Variants in RXYLT1 observed in about 807,000 individuals in gnomAD.
RXYLT1 encodes ribitol-5-phosphate xylosyltransferase 1.
In RXYLT1, 41 loss-of-function variants were observed where a neutral mutation model predicts 43.5. The observed-to-expected ratio is 0.94, with a 90% CI of 0.73 to 1.22. The LOEUF is 1.22. RXYLT1 is among the 50% of genes most tolerant of loss of function. The pLI is 0.00. For missense variants in RXYLT1, 514 were observed against 532.0 expected, an observed-to-expected ratio of 0.97 and a Z score of 0.33; for synonymous variants, 166 against 194.4, an observed-to-expected ratio of 0.85 and a Z score of 1.21.
intron 1 of RXYLT1, among the ~76,000 whole-genome samples, chr12:63,780,813 CTT>C (rs1258001193): frequency 5.9e-5 from 9 of 152,098 alleles, no homozygotes; most frequent in Admixed American, 3.9e-4. Flanking sequence ...ATTTCTAAGA[CTT>C]TTCAGAGTAA....
At chr12:63,791,577 CATTT>C (rs1385411368) in intron 3 of RXYLT1, among the ~76,000 whole-genome samples, 5 of 152,208 alleles carry the variant, frequency 3.3e-5, no homozygotes, top group African/African-American at 1.2e-4. Flanking sequence ...ACTGACATGA[CATTT>C]ATTTAGGTCA....
intron 1 of RXYLT1, 51 bp downstream of exon 1, chr12:63,780,180 T>TGCTGGGCGGCTGGGGCC (rs1897643595): frequency 8.5e-6 from 12 of 1,404,514 alleles, no homozygotes; most frequent in Non-Finnish European, 1.1e-5. Flanking sequence ...TGGCTGGGGC[T>TGCTGGGCGGCTGGGGCC]GCTGGGCGGC....
chr12:63,785,289 C>A (rs563095821), intron 3 of RXYLT1: 305 of 249,174 alleles, frequency 1.2e-3, no homozygotes, highest in African/African-American at 6.5e-3. Flanking sequence ...TCCTTTTTGG[C>A]ATCATATGTC....
chr12:63,803,181 C>CAA (rs763579072), intron 4 of RXYLT1, among the ~76,000 whole-genome samples: 510 of 22,606 alleles, frequency 0.023, 125 homozygotes, highest in African/African-American at 0.047. Flanking sequence ...ACTGTCTCAC[C>CAA]AAAAAAAAAA....
chr12:63,804,561 G>C (rs978873073), intron 4 of RXYLT1: 2 of 152,000 alleles, frequency 1.3e-5, no homozygotes, highest in Non-Finnish European at 2.9e-5. Flanking sequence ...AATAGTAATG[G>C]TATATGATAA....
chr12:63,792,601 G>T (rs1592847005), intron 3 of RXYLT1, among the ~76,000 whole-genome samples: 1 of 152,196 alleles, frequency 6.6e-6, no homozygotes, highest in African/African-American at 2.4e-5. Flanking sequence ...GCCATCTGGG[G>T]TCTTATTGTC....
intron 2 of RXYLT1, chr12:63,782,438 C>T (rs1274081892): frequency 2.2e-6 from 1 of 450,324 alleles, no homozygotes; most frequent in African/African-American, 2.0e-5. Flanking sequence ...TAAAAAGTAG[C>T]ACAAGTTTGC....
At chr12:63,808,465 T>C in intron 5 of RXYLT1, 1 of 567,182 alleles carries the variant, frequency 1.8e-6, no homozygotes, top group Non-Finnish European at 3.0e-6. Flanking sequence ...GACTCCTAGA[T>C]TTTATAAATG....
At chr12:63,780,218 C>T in intron 1 of RXYLT1, 89 bp downstream of exon 1, 1 of 1,391,930 alleles carries the variant, frequency 7.2e-7, no homozygotes, top group Middle Eastern at 2.6e-4. Context: ...ACCCGGCTCT[C>T]AAGTCCGGGA....
chr12:63,802,536 G>A lies in RXYLT1; in HGVS notation c.743+131G>A, dbSNP rs898707569. The A allele has an allele frequency of 1.1e-5, 8 of 761,594 alleles. No homozygotes were observed. In the African/African-American group the frequency reaches 1.4e-4, roughly 14 times the overall value. The allele number at this position is 761,594 out of a possible 1,614,324, so 47.2% of individuals were successfully genotyped here. A position where few individuals can be genotyped will look rare whatever the true frequency, so the allele number is the denominator to read the frequency against. Reference sequence around the variant, plus strand: ...GAGGCCAGGTACAGTCTTTCTCAGAGATAAAAACAGGGTGTGGTCGCATCC... The same window carrying A: ...GAGGCCAGGTACAGTCTTTCTCAGAAATAAAAACAGGGTGTGGTCGCATCC... On this transcript the variant is annotated intron_variant, in intron 4 of 5. Transcript: ENST00000261234.
intron 3 of RXYLT1, 108 bp from the exon 4 acceptor site, chr12:63,801,983 T>C: frequency 9.5e-7 from 1 of 1,047,778 alleles, no homozygotes. Flanking sequence ...AGATAGAATG[T>C]GGATTAAATC....
chr12:63,788,936 A>G (rs915585553), intron 3 of RXYLT1, among the ~76,000 whole-genome samples: 2 of 152,066 alleles, frequency 1.3e-5, no homozygotes, highest in Non-Finnish European at 2.9e-5. Flanking sequence ...TCTCCAACCC[A>G]CCTTATTTTA....
chr12:63,797,058 G>C (rs1277701812), intron 3 of RXYLT1, among the ~76,000 whole-genome samples: 1 of 149,910 alleles, frequency 6.7e-6, no homozygotes, highest in African/African-American at 2.5e-5. Flanking sequence ...CCACCTCCTA[G>C]GTTCAAGCAA....
chr12:63,786,735 T>C, intron 3 of RXYLT1, among the ~76,000 whole-genome samples: 1 of 152,182 alleles, frequency 6.6e-6, no homozygotes, highest in East Asian at 1.9e-4. Context: ...GCCACATCAG[T>C]TGACTCTTCC....
chr12:63,789,775 A>C (rs767822327), intron 3 of RXYLT1, among the ~76,000 whole-genome samples: 2 of 152,212 alleles, frequency 1.3e-5, no homozygotes, highest in Non-Finnish European at 2.9e-5. Flanking sequence ...TAGCGTACAT[A>C]ATTTATCCAA....
chr12:63,789,023 A>G (rs1897865046), intron 3 of RXYLT1, among the ~76,000 whole-genome samples: 1 of 152,172 alleles, frequency 6.6e-6, no homozygotes, highest in Non-Finnish European at 1.5e-5. Context: ...GTCTTTAGTA[A>G]TAAGCAGAAA....
chr12:63,803,684 T>A (rs1182195581), intron 4 of RXYLT1: 1 of 152,110 alleles, frequency 6.6e-6, no homozygotes, highest in African/African-American at 2.4e-5. Flanking sequence ...AAAAATCTAT[T>A]TTTTGAGCAG....
At position 63,800,615 on chromosome 12, in the gene RXYLT1, A is replaced by T. The variant is rs1005869925; in HGVS notation, c.429-1476A>T. On this transcript the variant is annotated intron_variant, in intron 3 of 5. Transcript: ENST00000261234. The stretch of plus-strand genomic sequence containing the variant: ...TCTATTCCTTTAATGAAAACTTTTT[A>T]AAAATACAGTTAAAAAGAGAGTAGG... 3.9e-5 allele frequency among the ~76,000 whole-genome samples: 6 copies of T among 152,164 alleles called. No homozygotes were observed. In the East Asian group the frequency reaches 9.6e-4, roughly 24 times the overall value.
chr12:63,789,826 A>T (rs548866634), intron 3 of RXYLT1, among the ~76,000 whole-genome samples: 285 of 152,348 alleles, frequency 1.9e-3, no homozygotes, highest in African/African-American at 6.6e-3. Context: ...TTCAGTTGAA[A>T]CAACTACATG....
Sources: allele counts gnomAD v4.1 joint callset (sites outside exome capture counted in the v4.1 genomes callset), GRCh38; gene constraint gnomAD v4.1.1; transcripts MANE v1.5; gene names NCBI Gene and HGNC (gene_info 2026-07-23, HGNC 2026-07-21).